The following RRAS2 variants were observed in gnomAD, a reference collection of about 807,000 sequenced individuals.
The protein encoded by RRAS2 is ras-related protein R-Ras2.
In RRAS2, 7 loss-of-function variants were observed where a neutral mutation model predicts 27.6. The observed-to-expected ratio is 0.25, with a 90% CI of 0.14 to 0.48. The LOEUF is 0.48. Among genes scored for constraint, RRAS2 ranks in the 20% least tolerant of loss-of-function variants. The pLI, the probability that RRAS2 is intolerant of heterozygous loss-of-function variation, is 0.99. For synonymous variants in RRAS2, 86 were observed against 90.9 expected (o/e 0.95, Z 0.31); for missense variants, 178 against 256.2 (o/e 0.69, Z 2.08).
chr11:14,292,714 C>T (rs535014692), intron 4 of RRAS2, among the ~76,000 whole-genome samples: 1 of 152,120 alleles, frequency 6.6e-6, no homozygotes, highest in African/African-American at 2.4e-5. Context: ...TTTTTTCACT[C>T]TAACTTTATA....
intron 1 of RRAS2, among the ~76,000 whole-genome samples, chr11:14,341,606 T>TAAA (rs1271690811): frequency 1.3e-5 from 2 of 151,814 alleles, no homozygotes; most frequent in African/African-American, 4.8e-5. Context: ...AAAATAAAAA[T>TAAA]AAAAATAGTT....
intron 1 of RRAS2, among the ~76,000 whole-genome samples, chr11:14,298,508 T>C (rs556318591): frequency 2.1e-4 from 32 of 152,246 alleles, no homozygotes; most frequent in Non-Finnish European, 4.0e-4. Context: ...GACATTTCTT[T>C]GGATGTCTTA....
At chr11:14,280,598 C>A (rs1016040395) in intron 5 of RRAS2, among the ~76,000 whole-genome samples, 98 of 151,502 alleles carry the variant, frequency 6.5e-4, no homozygotes, top group African/African-American at 2.2e-3. Flanking sequence ...TGGTGGCAGG[C>A]GCCTGTAAAT....
intron 1 of RRAS2, among the ~76,000 whole-genome samples, chr11:14,339,115 TG>T (rs1479670699): frequency 3.9e-5 from 6 of 152,122 alleles, no homozygotes; most frequent in African/African-American, 1.4e-4. Context: ...AAGTCCCATC[TG>T]CTTTAACCTT....
intron 4 of RRAS2, among the ~76,000 whole-genome samples, chr11:14,289,884 T>A (rs572153095): frequency 6.6e-6 from 1 of 152,238 alleles, no homozygotes; most frequent in African/African-American, 2.4e-5. Flanking sequence ...AGAAATGGCA[T>A]TTATTATCTA....
chr11:14,352,932 G>A (rs544791246), intron 1 of RRAS2, among the ~76,000 whole-genome samples: 2 of 151,940 alleles, frequency 1.3e-5, no homozygotes, highest in Non-Finnish European at 2.9e-5. Flanking sequence ...AGTAGTAGCT[G>A]GGATTGCAGG....
intron 1 of RRAS2, among the ~76,000 whole-genome samples, chr11:14,323,812 A>T (rs1554950634): frequency 6.6e-6 from 1 of 152,160 alleles, no homozygotes; most frequent in Non-Finnish European, 1.5e-5. Context: ...CAGAATCCAG[A>T]ATCCAACAGT....
intron 1 of RRAS2, among the ~76,000 whole-genome samples, chr11:14,306,959 G>A (rs1213801148): frequency 1.3e-5 from 2 of 151,740 alleles, no homozygotes; most frequent in Non-Finnish European, 2.9e-5. Context: ...GGAAGGCCAA[G>A]GTGGGTGGAT....
chr11:14,342,534 T>C (rs907518340), intron 1 of RRAS2, among the ~76,000 whole-genome samples: 4 of 152,194 alleles, frequency 2.6e-5, no homozygotes, highest in Non-Finnish European at 5.9e-5. Flanking sequence ...CCCTTAGTAA[T>C]ATAATTCAGT....
chr11:14,340,079 G>C (rs1300158762), intron 1 of RRAS2, among the ~76,000 whole-genome samples: 2 of 141,574 alleles, frequency 1.4e-5, no homozygotes, highest in Non-Finnish European at 3.1e-5. Flanking sequence ...GCAGTGAGCC[G>C]AGGTCGCGCC....
intron 1 of RRAS2, among the ~76,000 whole-genome samples, chr11:14,336,163 G>A (rs1214521061): frequency 6.6e-6 from 1 of 152,156 alleles, no homozygotes; most frequent in African/African-American, 2.4e-5. Context: ...GTAATAAAGA[G>A]CGTCCCCACA....
chr11:14,293,426 T>TA (rs1315943704), intron 4 of RRAS2, among the ~76,000 whole-genome samples: 16 of 151,954 alleles, frequency 1.1e-4, no homozygotes, highest in African/African-American at 1.9e-4. Flanking sequence ...AAAAGACCTT[T>TA]AAAAAAAGCC....
At chr11:14,333,435 T>G (rs1431178516) in intron 1 of RRAS2, among the ~76,000 whole-genome samples, 1 of 152,154 alleles carries the variant, frequency 6.6e-6, no homozygotes, top group Non-Finnish European at 1.5e-5. Context: ...TCCTTTTCCT[T>G]ATAAACATAT....
chr11:14,352,270 A>G (rs371072294), intron 1 of RRAS2, among the ~76,000 whole-genome samples: 71 of 152,348 alleles, frequency 4.7e-4, no homozygotes, highest in African/African-American at 1.5e-3. Flanking sequence ...TAATTAAACT[A>G]TAAGTTAAAG....
intron 1 of RRAS2, among the ~76,000 whole-genome samples, chr11:14,302,064 C>CCACACATACACACACA (rs1847720923): frequency 3.9e-5 from 2 of 51,818 alleles, no homozygotes; most frequent in Non-Finnish European, 8.0e-5. Flanking sequence ...AGTAAATGTA[C>CCACACATACACACACA]CACACACATA....
At chr11:14,291,538 CTATT>C (rs1359305298) in intron 4 of RRAS2, among the ~76,000 whole-genome samples, 4 of 152,062 alleles carry the variant, frequency 2.6e-5, no homozygotes, top group African/African-American at 9.7e-5. Context: ...TAATTTATGT[CTATT>C]TATATGGTTT....
Sources: gnomAD v4.1 joint callset for allele counts (sites outside exome capture counted in the v4.1 genomes callset) on GRCh38, gnomAD v4.1.1 for gene constraint, MANE v1.5 for transcripts, NCBI Gene and HGNC (gene_info 2026-07-23, HGNC 2026-07-21) for gene names.